The following EPB41L1 variants were observed in gnomAD, a reference collection of about 807,000 sequenced individuals.
EPB41L1 encodes erythrocyte membrane protein band 4.1 like 1.
In EPB41L1, 29 loss-of-function variants were observed where a neutral mutation model predicts 97.8. The observed-to-expected ratio is 0.30, with a 90% confidence interval of 0.22 to 0.40. The LOEUF is 0.40. Among genes scored for constraint, EPB41L1 ranks in the 10% least tolerant of loss-of-function variants. EPB41L1 has a pLI of 1.00. For missense variants in EPB41L1, 812 were observed against 1,162.3 expected (o/e 0.70, Z 4.38); for synonymous variants, 383 against 459.2 (o/e 0.83, Z 2.12).
At chr20:36,119,475 G>A (rs566441045) in intron 2 of EPB41L1, among the ~76,000 whole-genome samples, 4 of 152,248 alleles carry the variant, frequency 2.6e-5, no homozygotes, top group Non-Finnish European at 4.4e-5. Flanking sequence ...GGTGGTGCAC[G>A]CCTGTAATCC....
upstream of EPB41L1, chr20:36,153,163 G>A (rs1253714233): frequency 6.6e-6 from 3 of 452,494 alleles, no homozygotes; most frequent in African/African-American, 2.0e-5. Flanking sequence ...TGTATCTTGA[G>A]TTCTCTAAAG....
In EPB41L1 at chr20:36,190,031, G is replaced by C. The variant is rs1417844151; in HGVS notation, c.1027-246G>C. ...GAGACTCATTCTCTACAAAAAATTAGCTGGTGTGGTGTCGTCTGACTGTAG... is the reference window on the plus strand; with the variant it reads ...GAGACTCATTCTCTACAAAAAATTACCTGGTGTGGTGTCGTCTGACTGTAG... On this transcript the variant is annotated intron_variant, in intron 9 of 21. Coordinates refer to ENST00000338074, the MANE Select transcript of EPB41L1 (RefSeq NM_012156.2). The surrounding 1 kb of genome is among the most constrained non-coding windows in gnomAD (Gnocchi z 5.8). Among the ~76,000 whole-genome samples the C allele has an allele frequency of 1.3e-5, 2 of 151,956 alleles. No homozygotes were observed. The highest frequency in any genetic ancestry group is 2.9e-5 in the Non-Finnish European group (2 of 67,994).
chr20:36,162,983 G>C (rs1457045774), intron 1 of EPB41L1, among the ~76,000 whole-genome samples: 1 of 152,206 alleles, frequency 6.6e-6, no homozygotes, highest in Non-Finnish European at 1.5e-5. Flanking sequence ...CTCTCAGCCT[G>C]TACCCTCCAT....
At chr20:36,103,726 CAG>C (rs1331063944) in intron 1 of EPB41L1, among the ~76,000 whole-genome samples, 1 of 131,132 alleles carries the variant, frequency 7.6e-6, no homozygotes, top group East Asian at 2.2e-4. Flanking sequence ...TTTTTTGAGA[CAG>C]AGTCTCACTC....
At chr20:36,132,925 T>C (rs1231059010) in intron 2 of EPB41L1, among the ~76,000 whole-genome samples, 2 of 152,240 alleles carry the variant, frequency 1.3e-5, no homozygotes, top group African/African-American at 4.8e-5. Flanking sequence ...CCATCACTGC[T>C]GTGTGTGTAC....
At chr20:36,107,306 C>T (rs1337039117) in intron 1 of EPB41L1, among the ~76,000 whole-genome samples, 3 of 149,872 alleles carry the variant, frequency 2.0e-5, no homozygotes, top group African/African-American at 4.9e-5. Flanking sequence ...CTGCAACCTC[C>T]GTCTCCCGGC....
intron 21 of EPB41L1, among the ~76,000 whole-genome samples, chr20:36,223,132 G>A (rs746231555): frequency 2.6e-5 from 4 of 152,144 alleles, no homozygotes; most frequent in Admixed American, 6.5e-5. Flanking sequence ...CCCTGACCTC[G>A]GGTGATCTGC....
At chr20:36,152,918 T>G, upstream of EPB41L1, 2 of 454,440 alleles carry the variant, frequency 4.4e-6, no homozygotes, top group Non-Finnish European at 8.8e-6. Flanking sequence ...CTCGTCCTTC[T>G]GTCAGTCGGC....
Position 36,125,967 on chromosome 20 carries a change from G to GA in EPB41L1, c.-10+13488dup, listed in dbSNP as rs1197862256. 2.4e-4 allele frequency among the ~76,000 whole-genome samples: 36 copies of GA among 152,080 alleles called. No homozygotes were observed. In the East Asian group the frequency reaches 6.8e-3, roughly 29 times the overall value. On this transcript the variant is annotated intron_variant, in intron 2 of 19. Transcript: ENST00000202028. The stretch of plus-strand genomic sequence containing the variant: ...TGGGGCCGATGGGTCTTGGGGAAGG[G>GA]AGGGGGAAGAAAGGAACTTGTCCTA...
At position 36,175,506 on chromosome 20, in the gene EPB41L1, G is replaced by A. The variant is rs748241759; in HGVS notation, c.178-45G>A. Reference sequence around the variant, plus strand: ...CTTCTTACTTATATGAAAGGCCATGGCTTAAAACTCACTGAGCAAACTATT... The same window carrying A: ...CTTCTTACTTATATGAAAGGCCATGACTTAAAACTCACTGAGCAAACTATT... On this transcript the variant is annotated intron_variant, in intron 2 of 21. Coordinates refer to ENST00000338074, the MANE Select transcript of EPB41L1 (RefSeq NM_012156.2). 7.4e-6 allele frequency: 12 copies of A among 1,612,014 alleles called. No individual in the cohort carries two copies. In the South Asian group the frequency reaches 1.2e-4, roughly 16 times the overall value.
intron 17 of EPB41L1, among the ~76,000 whole-genome samples, chr20:36,214,719 A>G (rs1015618414): frequency 4.6e-5 from 7 of 151,960 alleles, no homozygotes; most frequent in Non-Finnish European, 1.0e-4. Flanking sequence ...GAGAGAGAGG[A>G]TGGTCTTCTT....
chr20:36,210,497 C>T (rs1458152014), intron 15 of EPB41L1, among the ~76,000 whole-genome samples: 1 of 152,046 alleles, frequency 6.6e-6, no homozygotes, highest in Non-Finnish European at 1.5e-5. Context: ...TCCTTTGCCC[C>T]CTCATCTCTT....
rs4911526 is a variant in EPB41L1, at chr20:36,205,777, A to G, written c.1669-3711A>G. The stretch of plus-strand genomic sequence containing the variant: ...GTGGTAGATTGGTCCCCTCTTACAA[A>G]GGGAAAAACTCACCCATTCTTCAGG... On this transcript the variant is annotated intron_variant, in intron 14 of 21. Transcript: ENST00000338074. 3,808 of 1,218,814 alleles carry G rather than the reference A, an allele frequency of 3.1e-3. 109 individuals are homozygous for G. In the Admixed American group the frequency reaches 0.059, roughly 19 times the overall value. 75.5% of individuals were successfully genotyped at this position (1,218,814 alleles called of 1,614,324 possible).
chr20:36,222,451 C>T, intron 21 of EPB41L1, 57 bp downstream of exon 21: 1 of 1,367,424 alleles, frequency 7.3e-7, no homozygotes, highest in African/African-American at 1.4e-5. Context: ...TAGCAAGATC[C>T]TCTGAGGGCC....
chr20:36,142,264 T>TG (rs1458815999), intron 2 of EPB41L1, among the ~76,000 whole-genome samples: 1 of 152,232 alleles, frequency 6.6e-6, no homozygotes, highest in Non-Finnish European at 1.5e-5. Flanking sequence ...TTATTTTGTG[T>TG]GGCTGCGTAG....
chr20:36,155,581 C>T (rs377493316), intron 1 of EPB41L1: 1 of 456,484 alleles, frequency 2.2e-6, no homozygotes, highest in Non-Finnish European at 4.4e-6. Context: ...TGTCTACAGC[C>T]ATTGGGGTAC....
intron 2 of EPB41L1, among the ~76,000 whole-genome samples, chr20:36,128,365 T>A (rs150419426): frequency 1.2e-4 from 19 of 152,288 alleles, no homozygotes; most frequent in African/African-American, 3.6e-4. Flanking sequence ...AGGCCGGGCC[T>A]TAGATGCTGC....
At chr20:36,113,356 T>C (rs1373546460) in intron 2 of EPB41L1, among the ~76,000 whole-genome samples, 1 of 152,148 alleles carries the variant, frequency 6.6e-6, no homozygotes, top group Non-Finnish European at 1.5e-5. Context: ...CCTCTGGTTT[T>C]TAATTTTGGT....
Position 36,206,495 on chromosome 20 carries a change from ACT to A in EPB41L1, c.1669-2991_1669-2990del, listed in dbSNP as rs1466206991. 7.8e-7 allele frequency: 1 copy of A among 1,289,848 alleles called. No homozygotes were observed. Among genetic ancestry groups the A allele is most frequent in the South Asian group, 1.2e-5 (1 of 81,030 alleles). 79.9% of individuals were successfully genotyped at this position (1,289,848 alleles called of 1,614,324 possible). A position where few individuals can be genotyped will look rare whatever the true frequency, so the allele number is the denominator to read the frequency against. The stretch of plus-strand genomic sequence containing the variant: ...TTCTATTTAAATTATGAAGAAAAAG[ACT>A]CAGAAGACCAAGTCCTCCCTCCACC... On this transcript the variant is annotated intron_variant, in intron 14 of 21. Transcript: ENST00000338074. This position sits in a 1 kb window ranked among gnomAD's most constrained non-coding sequence, Gnocchi z 5.5.
Sources: gnomAD v4.1 joint callset for allele counts (sites outside exome capture counted in the v4.1 genomes callset) on GRCh38, gnomAD v4.1.1 for gene constraint, Gnocchi (gnomAD v3.1) non-coding constraint, MANE v1.5 for transcripts, NCBI Gene and HGNC (gene_info 2026-07-23, HGNC 2026-07-21) for gene names.